Variants in SUMF1 observed in about 807,000 individuals in gnomAD.
SUMF1 encodes the protein formylglycine-generating enzyme.
SUMF1 carries 48 observed loss-of-function variants against 47.6 expected under a neutral mutation model. That is an observed-to-expected ratio of 1.01 (90% CI 0.80 to 1.28). SUMF1 has a LOEUF of 1.28. SUMF1 is among the 50% of genes most tolerant of loss of function. SUMF1 has a pLI of 0.00. For synonymous variants in SUMF1, 230 were observed against 192.1 expected, an observed-to-expected ratio of 1.20 and a Z score of -1.63; for missense variants, 571 against 485.4, an observed-to-expected ratio of 1.18 and a Z score of -1.66.
At chr3:4,140,475 T>C (rs1261969982) in intron 8 of SUMF1, among the ~76,000 whole-genome samples, 1 of 152,112 alleles carries the variant, frequency 6.6e-6, no homozygotes, top group Non-Finnish European at 1.5e-5. Flanking sequence ...TAGAGTTTAG[T>C]ATTTTGTCAA....
At chr3:4,201,916 T>TA (rs1695548690) in intron 8 of SUMF1, among the ~76,000 whole-genome samples, 1 of 152,066 alleles carries the variant, frequency 6.6e-6, no homozygotes, top group Non-Finnish European at 1.5e-5. Flanking sequence ...GAGCAATGTC[T>TA]ATTGAGATCT....
At chr3:4,047,190 A>G (rs1052669197) in intron 9 of SUMF1, among the ~76,000 whole-genome samples, 4 of 152,060 alleles carry the variant, frequency 2.6e-5, no homozygotes, top group African/African-American at 9.7e-5. Flanking sequence ...CCATATATCA[A>G]ATATCCCCTA....
chr3:4,116,529 G>A (rs762087203), intron 8 of SUMF1, among the ~76,000 whole-genome samples: 11 of 151,998 alleles, frequency 7.2e-5, no homozygotes, highest in Non-Finnish European at 1.2e-4. Flanking sequence ...TGAACTCAGC[G>A]CCTCTTTAAA....
intron 8 of SUMF1, among the ~76,000 whole-genome samples, chr3:4,289,903 G>C (rs549605123): frequency 6.6e-6 from 1 of 152,260 alleles, no homozygotes; most frequent in East Asian, 1.9e-4. Context: ...CAAATAAATT[G>C]TGTTATCAAC....
At chr3:4,208,856 A>G (rs1396129540) in intron 8 of SUMF1, among the ~76,000 whole-genome samples, 1 of 152,070 alleles carries the variant, frequency 6.6e-6, no homozygotes, top group Non-Finnish European at 1.5e-5. Flanking sequence ...CATATGCACA[A>G]TGGGAATATC....
chr3:4,076,872 C>T (rs148649046), intron 8 of SUMF1, among the ~76,000 whole-genome samples: 2,378 of 152,006 alleles, frequency 0.016, 77 homozygotes, highest in African/African-American at 0.055. Context: ...GGTGTGGTGG[C>T]GGGCACCTGT....
At chr3:4,243,361 C>T (rs1297740176) in intron 8 of SUMF1, among the ~76,000 whole-genome samples, 5 of 152,082 alleles carry the variant, frequency 3.3e-5, no homozygotes, top group Admixed American at 1.3e-4. Flanking sequence ...GTTAGGCTGT[C>T]GATTTTAGAT....
intron 8 of SUMF1, among the ~76,000 whole-genome samples, chr3:4,135,876 T>C (rs1162882431): frequency 1.3e-5 from 2 of 152,126 alleles, no homozygotes; most frequent in Admixed American, 6.5e-5. Flanking sequence ...CCGTTCACAA[T>C]TGCTTCAAAG....
At position 4,200,196 on chromosome 3, in the gene SUMF1, G is replaced by A. The variant is rs139209121; in HGVS notation, c.1015-131451C>T. Among the ~76,000 whole-genome samples, 389 of 132,372 alleles carry A rather than the reference G, an allele frequency of 2.9e-3. 3 individuals carry two copies. Among genetic ancestry groups the A allele is most frequent in the African/African-American group, 0.01 (360 of 35,342 alleles). The allele number at this position is 132,372 out of a possible 152,430, so 86.8% of individuals were successfully genotyped here. ...AAGATTTTTTTTTTTTTTTTTTTGC[G>A]TATGGCTACTGTGATGGTTACTTGT... On this transcript the variant is annotated intron_variant and NMD_transcript_variant, in intron 8 of 12. Transcript: ENST00000448413.
intron 7 of SUMF1, among the ~76,000 whole-genome samples, chr3:4,409,945 T>C (rs1250531714): frequency 2.6e-5 from 4 of 152,224 alleles, no homozygotes; most frequent in Admixed American, 2.0e-4. Flanking sequence ...TGAGAAGATA[T>C]TGAAGAATTA....
chr3:4,132,607 C>T (rs1693818636), intron 8 of SUMF1, among the ~76,000 whole-genome samples: 1 of 152,066 alleles, frequency 6.6e-6, no homozygotes, highest in Non-Finnish European at 1.5e-5. Context: ...GTTTCCATTA[C>T]ATTATGTTCT....
At chr3:4,354,244 G>T (rs77709864) in intron 8 of SUMF1, among the ~76,000 whole-genome samples, 4,696 of 152,254 alleles carry the variant, frequency 0.031, 253 homozygotes, top group African/African-American at 0.11. Context: ...TAAGAAGTAA[G>T]AATGTAAACA....
intron 8 of SUMF1, among the ~76,000 whole-genome samples, chr3:4,127,900 T>C (rs754420769): frequency 6.6e-6 from 1 of 152,140 alleles, no homozygotes; most frequent in Non-Finnish European, 1.5e-5. Flanking sequence ...GTCCTTGGCA[T>C]GAACTGTTTA....
chr3:4,462,115 G>C (rs2079829072), intron 1 of SUMF1, among the ~76,000 whole-genome samples: 1 of 152,196 alleles, frequency 6.6e-6, no homozygotes, highest in Non-Finnish European at 1.5e-5. Flanking sequence ...TCTACTTCTT[G>C]TAAAATACTG....
intron 8 of SUMF1, among the ~76,000 whole-genome samples, chr3:4,189,316 G>A (rs975987044): frequency 6.6e-6 from 1 of 152,078 alleles, no homozygotes; most frequent in Admixed American, 6.6e-5. Context: ...CTACCCAGTG[G>A]TCCAACTCAA....
At chr3:4,071,654 C>A (rs909546346) in intron 8 of SUMF1, among the ~76,000 whole-genome samples, 1 of 152,182 alleles carries the variant, frequency 6.6e-6, no homozygotes, top group Non-Finnish European at 1.5e-5. Flanking sequence ...CTTGAGTAGG[C>A]GTTTTTATGC....
chr3:4,153,147 ATAC>A (rs1303529004), intron 8 of SUMF1, among the ~76,000 whole-genome samples: 3 of 151,618 alleles, frequency 2.0e-5, no homozygotes, highest in Admixed American at 6.5e-5. Context: ...TACACCGTAA[ATAC>A]ATACAATAAA....
chr3:4,405,116 T>C (rs1165910895), intron 7 of SUMF1, among the ~76,000 whole-genome samples: 3 of 152,112 alleles, frequency 2.0e-5, no homozygotes, highest in African/African-American at 4.8e-5. Flanking sequence ...CAATCAAGTG[T>C]GGAGTTTAGA....
intron 8 of SUMF1, chr3:4,317,416 C>T: frequency 3.4e-6 from 2 of 588,672 alleles, no homozygotes; most frequent in Admixed American, 3.1e-5. Context: ...GGCATGGTGG[C>T]TTACAACTGT....
Sources: gnomAD v4.1 joint callset for allele counts (sites outside exome capture counted in the v4.1 genomes callset) on GRCh38, gnomAD v4.1.1 for gene constraint, MANE v1.5 for transcripts, NCBI Gene and HGNC (gene_info 2026-07-23, HGNC 2026-07-21) for gene names.